The following SUPT6H variants were observed in gnomAD, a reference collection of about 807,000 sequenced individuals.
The protein encoded by SUPT6H is transcription elongation factor SPT6.
In SUPT6H, 11 loss-of-function variants were observed where a neutral mutation model predicts 222.3. That is an observed-to-expected ratio of 0.05 (90% confidence interval 0.03 to 0.08). The LOEUF (loss-of-function observed/expected upper bound fraction) is 0.08. SUPT6H is among the 10% of genes least tolerant of loss of function. The pLI, the probability that SUPT6H is intolerant of heterozygous loss-of-function variation, is 1.00. For missense variants in SUPT6H, 1,422 were observed against 2,216.0 expected (o/e 0.64, Z 7.19); for synonymous variants, 762 against 801.2 (o/e 0.95, Z 0.83).
intron 21 of SUPT6H, 40 bp downstream of exon 21, chr17:28,686,829 G>T: frequency 1.3e-6 from 2 of 1,555,120 alleles, no homozygotes; most frequent in Non-Finnish European, 1.7e-6. Context: ...GCCCAGGCAA[G>T]TGCTATTAAT....
intron 7 of SUPT6H, among the ~76,000 whole-genome samples, chr17:28,676,819 CAGG>C (rs1436000479): frequency 6.6e-6 from 1 of 151,808 alleles, no homozygotes; most frequent in Non-Finnish European, 1.5e-5. Context: ...TTCAGCCACT[CAGG>C]AGGCTGAGGT....
chr17:28,688,354 T>C lies in SUPT6H; in HGVS notation c.3134+136T>C. ...GTTTTAAAGAAAAGGTAAGGAACTT[T>C]ATTCAGTCAAGAGCCCCTGACCTAT... On this transcript the variant is annotated intron_variant, in intron 24 of 36. Coordinates refer to ENST00000314616, the MANE Select transcript of SUPT6H (RefSeq NM_003170.5). The surrounding 1 kb of genome is among the most constrained non-coding windows in gnomAD (Gnocchi z 4.3). 8.4e-7 allele frequency: 1 copy of C among 1,189,386 alleles called. No homozygotes were observed. The allele number at this position is 1,189,386 out of a possible 1,614,324, so 73.7% of individuals were successfully genotyped here. A position where few individuals can be genotyped will look rare whatever the true frequency, so the allele number is the denominator to read the frequency against.
chr17:28,673,081 G>T (rs1045363716), intron 1 of SUPT6H, among the ~76,000 whole-genome samples: 1 of 151,686 alleles, frequency 6.6e-6, no homozygotes, highest in Admixed American at 6.6e-5. Context: ...AACCCAGGAG[G>T]TGGAGGTTGC....
chr17:28,681,761 C>A, intron 12 of SUPT6H, 121 bp from the exon 13 acceptor site: 1 of 794,814 alleles, frequency 1.3e-6, no homozygotes, highest in Non-Finnish European at 2.0e-6. Flanking sequence ...GACTTGACAG[C>A]CCATGGCATC....
At position 28,683,653 on chromosome 17, in the gene SUPT6H, T is replaced by C; in HGVS notation, c.2066T>C (p.Ile689Thr). 1 of 1,614,080 alleles carries C rather than the reference T, an allele frequency of 6.2e-7. No individual in the cohort carries two copies. Among genetic ancestry groups the C allele is most frequent in the South Asian group, 1.1e-5 (1 of 91,072 alleles). Residue 689 changes from isoleucine (I) to threonine (T), a missense_variant, in exon 17 of 37, where the codon ATA (isoleucine) becomes ACA (threonine). Ile to Thr is a moderately conservative substitution (Grantham distance 89). This residue lies in a region of SUPT6H where 121 missense variants were observed against 158.0 expected (regional missense o/e 0.77). Coordinates refer to ENST00000314616, the MANE Select transcript of SUPT6H (RefSeq NM_003170.5). ...YGNDQTYFEEIKQFYYRDEFS... is the reference protein window; with the variant it reads ...YGNDQTYFEETKQFYYRDEFS... ...AACGACCAGACATATTTTGAGGAGA[T>C]AAAACAGTTTTACTACCGAGATGAG...
At chr17:28,686,818 TG>T (rs775907140) in intron 21 of SUPT6H, 29 bp downstream of exon 21, 4 of 1,563,326 alleles carry the variant, frequency 2.6e-6, no homozygotes, top group Non-Finnish European at 3.4e-6. Context: ...CCTTAGGGCC[TG>T]CCCAGGCAAG....
intron 4 of SUPT6H, 116 bp downstream of exon 4, chr17:28,674,729 T>C: frequency 1.0e-6 from 1 of 1,001,622 alleles, no homozygotes; most frequent in Non-Finnish European, 1.6e-6. Context: ...TAGAGCACGG[T>C]GTTCGGTATC....
At chr17:28,676,113 T>A (rs372111624) in intron 6 of SUPT6H, 44 bp from the exon 7 acceptor site, 1 of 1,539,802 alleles carries the variant, frequency 6.5e-7, no homozygotes, top group Non-Finnish European at 8.7e-7. Flanking sequence ...ATTTCTCTCC[T>A]CTCACCTGAA....
chr17:28,697,179 GGT>G, intron 30 of SUPT6H, 97 bp downstream of exon 30: 1 of 1,038,572 alleles, frequency 9.6e-7, no homozygotes, highest in Non-Finnish European at 1.5e-6. Context: ...TCGGGTCATA[GGT>G]ATTTTAGCTG....
chr17:28,698,087 C>T, intron 32 of SUPT6H, 57 bp downstream of exon 32: 1 of 1,574,218 alleles, frequency 6.4e-7, no homozygotes, highest in Admixed American at 1.7e-5. Context: ...GGCTAGAAGG[C>T]AGGGAGAGGC....
In SUPT6H at chr17:28,674,437, A is replaced by G. The variant is rs2030613476; in HGVS notation, c.264A>G (p.Lys88=). 1 of 1,613,930 alleles carries G rather than the reference A, an allele frequency of 6.2e-7. No homozygotes were observed. The highest frequency in any genetic ancestry group is 8.5e-7 in the Non-Finnish European group (1 of 1,179,912). The change falls in exon 3 of 37, where the codon AAA becomes AAG. Residue 88 remains lysine (K), a synonymous_variant. Transcript: ENST00000314616. ...SEDDVGHKKR[K]RTSFDDRLED... ...ATGATGTTGGCCACAAGAAGAGAAA[A>G]CGCAGTGAGTAGTCTGTCGTTGGCT...
At chr17:28,676,482 C>G (rs1404581471) in intron 7 of SUPT6H, 52 bp downstream of exon 7, 1 of 1,606,668 alleles carries the variant, frequency 6.2e-7, no homozygotes, top group Non-Finnish European at 8.5e-7. Flanking sequence ...TACCTTGTAG[C>G]CAAGAAATAT....
intron 27 of SUPT6H, among the ~76,000 whole-genome samples, chr17:28,692,401 G>A (rs1235163365): frequency 2.7e-5 from 4 of 147,468 alleles, no homozygotes; most frequent in Non-Finnish European, 6.0e-5. Flanking sequence ...GGGAGGCTGA[G>A]GCAGTTGGAT....
chr17:28,678,286 C>T, intron 9 of SUPT6H, 94 bp downstream of exon 9: 6 of 1,137,660 alleles, frequency 5.3e-6, no homozygotes, highest in Middle Eastern at 4.0e-4. Flanking sequence ...AGCCCCCTTC[C>T]CGTATCCCCT....
intron 11 of SUPT6H, among the ~76,000 whole-genome samples, chr17:28,679,483 A>G (rs541690170): frequency 6.6e-6 from 1 of 152,310 alleles, no homozygotes; most frequent in Non-Finnish European, 1.5e-5. Flanking sequence ...CAGGAATTCA[A>G]GGTTGCAGTG....
In SUPT6H at chr17:28,683,269, A is replaced by G. The variant is rs1454286583; in HGVS notation, c.1880A>G (p.Asp627Gly). The G allele has an allele frequency of 6.2e-7, 1 of 1,613,964 alleles. No homozygotes were observed. The highest frequency in any genetic ancestry group is 8.5e-7 in the Non-Finnish European group (1 of 1,179,970). ...NITPTKKGRK[D>G]VDEAHYAYSF... is the part of the protein sequence containing the mutation. ...ATGATTCCCCCTTCATGTGTGCAGG[A>G]TGTGGATGAGGCCCACTATGCCTAT... The change falls in exon 16 of 37, where the codon GAT becomes GGT. Residue 627 changes from aspartate to glycine, a missense_variant and splice_region_variant. Asp to Gly is a moderately conservative substitution (Grantham distance 94). This residue lies in a region of SUPT6H where 121 missense variants were observed against 158.0 expected (regional missense o/e 0.77). Coordinates refer to ENST00000314616, the MANE Select transcript of SUPT6H (RefSeq NM_003170.5).
At chr17:28,687,543 A>G (rs2031447995) in intron 23 of SUPT6H, 72 bp downstream of exon 23, 3 of 1,493,300 alleles carry the variant, frequency 2.0e-6, no homozygotes, top group South Asian at 1.3e-5. Context: ...CTTTGTCAGT[A>G]TAATTTGACA....
chr17:28,694,983 G>A (rs1049803271), intron 28 of SUPT6H: 12 of 204,564 alleles, frequency 5.9e-5, no homozygotes, highest in East Asian at 5.3e-4. Context: ...TAGTCTGGGC[G>A]ACGAGTGAGA....
rs2032146819 is a variant in SUPT6H at position 28,701,762 on chromosome 17, G to A, written c.*137G>A. 2.1e-6 allele frequency: 2 copies of A among 934,734 alleles called. No homozygotes were observed. The highest frequency in any genetic ancestry group is 3.1e-6 in the Non-Finnish European group (2 of 637,958). 57.9% of individuals were successfully genotyped at this position (934,734 alleles called of 1,614,324 possible). A position where few individuals can be genotyped will look rare whatever the true frequency, so the allele number is the denominator to read the frequency against. On this transcript the variant is annotated 3_prime_UTR_variant, in exon 37 of 37. Transcript: ENST00000314616. ...GTTCTCTTTGGTGGTCAACCCGGAT[G>A]GGTGACAGGCTGGATGGCCTTGTGA...
Sources: allele counts gnomAD v4.1 joint callset (sites outside exome capture counted in the v4.1 genomes callset), GRCh38; gene constraint gnomAD v4.1.1; regional missense constraint gnomAD v4.1.1; non-coding constraint Gnocchi (gnomAD v3.1); transcripts MANE v1.5; gene names NCBI Gene and HGNC (gene_info 2026-07-23, HGNC 2026-07-21).